The following IGF2R variants were observed in gnomAD, a reference collection of about 807,000 sequenced individuals.
IGF2R encodes the protein insulin like growth factor 2 receptor.
IGF2R carries 91 observed loss-of-function variants against 270.6 expected under a neutral mutation model. The observed-to-expected ratio is 0.34, with a 90% confidence interval of 0.28 to 0.40. The LOEUF (loss-of-function observed/expected upper bound fraction) is 0.40, where lower values mean the gene tolerates loss of function less well. Among genes scored for constraint, IGF2R ranks in the 10% least tolerant of loss-of-function variants. IGF2R has a pLI of 1.00. For synonymous variants in IGF2R, 1,316 were observed against 1,258.9 expected (o/e 1.05, Z -0.96); for missense variants, 2,805 against 3,188.3 (o/e 0.88, Z 2.90).
chr6:160,018,560 A>G (rs1263223856), intron 4 of IGF2R, among the ~76,000 whole-genome samples: 2 of 152,202 alleles, frequency 1.3e-5, no homozygotes, highest in African/African-American at 2.4e-5. Flanking sequence ...GAGATGGACT[A>G]TATGTCATAC....
At chr6:160,001,802 G>C (rs1784133382) in intron 2 of IGF2R, among the ~76,000 whole-genome samples, 1 of 152,070 alleles carries the variant, frequency 6.6e-6, no homozygotes, top group South Asian at 2.1e-4. Context: ...TTTTCATAGG[G>C]CCTGTGAACA....
At chr6:159,986,731 T>C (rs966630004) in intron 1 of IGF2R, among the ~76,000 whole-genome samples, 1 of 147,644 alleles carries the variant, frequency 6.8e-6, no homozygotes, top group Non-Finnish European at 1.5e-5. Flanking sequence ...TGATTGAATA[T>C]ATTGATCTCT....
Position 160,004,080 on chromosome 6 carries a change from ATGAG to A in IGF2R, c.290-4928_290-4925del, listed in dbSNP as rs1784173282. 6.6e-6 allele frequency: 1 copy of A among 152,080 alleles called. No homozygotes were observed. Among genetic ancestry groups the A allele is most frequent in the Non-Finnish European group, 1.5e-5 (1 of 68,016 alleles). 9.4% of individuals were successfully genotyped at this position (152,080 alleles called of 1,614,324 possible). A position where few individuals can be genotyped will look rare whatever the true frequency, so the allele number is the denominator to read the frequency against. ...GAGAAGCTGGAGGTTAAAAAATTGG[ATGAG>A]TATTTTTTTTTTTAATTTGGCAAAA... On this transcript the variant is annotated intron_variant, in intron 2 of 47. Transcript: ENST00000356956. The surrounding 1 kb of genome is among the most constrained non-coding windows in gnomAD (Gnocchi z 5.2).
chr6:160,090,251 T>C lies in IGF2R; in HGVS notation c.6655+148T>C, dbSNP rs1025519664. On this transcript the variant is annotated intron_variant, in intron 44 of 47. Coordinates refer to ENST00000356956, the MANE Select transcript of IGF2R (RefSeq NM_000876.4). ...ATTCTTTACTTTGTTATGAATTTCT[T>C]GACAGTGGATTGAGCGATACGTGTC... The C allele has an allele frequency of 7.4e-6, 4 of 539,326 alleles. No homozygotes were observed. The Admixed American group carries it at 1.3e-4, about 17-fold the overall frequency. The allele number at this position is 539,326 out of a possible 1,614,324, so 33.4% of individuals were successfully genotyped here. A position where few individuals can be genotyped will look rare whatever the true frequency, so the allele number is the denominator to read the frequency against.
intron 1 of IGF2R, among the ~76,000 whole-genome samples, chr6:159,987,536 C>T (rs147036690): frequency 0.011 from 1,642 of 152,252 alleles, 24 homozygotes; most frequent in African/African-American, 0.038. Flanking sequence ...GGACTATAGG[C>T]GTGCACCACC....
At chr6:159,984,119 A>G (rs930778079) in intron 1 of IGF2R, among the ~76,000 whole-genome samples, 2 of 152,230 alleles carry the variant, frequency 1.3e-5, no homozygotes, top group African/African-American at 4.8e-5. Flanking sequence ...CTGTCCTCAG[A>G]TGGGTTCAAC....
intron 44 of IGF2R, chr6:160,094,177 G>A (rs1779294833): frequency 5.2e-6 from 2 of 383,346 alleles, no homozygotes; most frequent in South Asian, 4.1e-5. Context: ...TATAAACAGG[G>A]CGTTACAGAA....
chr6:159,997,293 C>A (rs1339479943), intron 2 of IGF2R, among the ~76,000 whole-genome samples: 1 of 152,136 alleles, frequency 6.6e-6, no homozygotes, highest in African/African-American at 2.4e-5. Context: ...TCCAGCCAGC[C>A]CTGTGTGGCT....
Position 160,108,042 on chromosome 6 carries a change from C to T in IGF2R, c.*2958C>T, listed in dbSNP as rs1302179497. 2 of 152,200 alleles carry T rather than the reference C, an allele frequency of 1.3e-5. No individual in the cohort carries two copies. The highest frequency in any genetic ancestry group is 1.5e-5 in the Non-Finnish European group (1 of 68,046). The allele number at this position is 152,200 out of a possible 1,614,324, so 9.4% of individuals were successfully genotyped here. On this transcript the variant is annotated 3_prime_UTR_variant, in exon 48 of 48. Coordinates refer to ENST00000356956, the MANE Select transcript of IGF2R (RefSeq NM_000876.4). ...CACAGGTCTTACCCCTGTTGGCGAT[C>T]GGGTCACAAGGAGCCAGTGTGTGTG...
rs185170146 is a variant in IGF2R, at chr6:160,111,157, A to G, written c.*6073A>G. ...GATTTTGTAATGATAAGTATCTCAAAACATCATGTTGTACAACATAAGTAT... is the reference window on the plus strand; with the variant it reads ...GATTTTGTAATGATAAGTATCTCAAGACATCATGTTGTACAACATAAGTAT... On this transcript the variant is annotated 3_prime_UTR_variant, in exon 48 of 48. Transcript: ENST00000356956. 1.3e-5 allele frequency: 2 copies of G among 152,348 alleles called. No homozygotes were observed. Among genetic ancestry groups the G allele is most frequent in the East Asian group, 3.9e-4 (2 of 5,192 alleles). The allele number at this position is 152,348 out of a possible 1,614,324, so 9.4% of individuals were successfully genotyped here.
intron 1 of IGF2R, 150 bp from the exon 2 acceptor site, chr6:159,991,034 A>C: frequency 1.5e-6 from 1 of 675,308 alleles, no homozygotes; most frequent in Non-Finnish European, 2.5e-6. Flanking sequence ...TTGCAACTTA[A>C]CATACTTGAC....
intron 27 of IGF2R, 28 bp from the exon 28 acceptor site, chr6:160,064,373 C>T: frequency 6.2e-7 from 1 of 1,614,104 alleles, no homozygotes; most frequent in South Asian, 1.1e-5. Context: ...CCGAACCAAA[C>T]CTTGTTTAAT....
chr6:160,038,255 C>T (rs1490852038), intron 10 of IGF2R, among the ~76,000 whole-genome samples: 2 of 152,164 alleles, frequency 1.3e-5, no homozygotes, highest in Non-Finnish European at 2.9e-5. Context: ...CTAATCCTAA[C>T]ATTGCTGATG....
intron 41 of IGF2R, among the ~76,000 whole-genome samples, chr6:160,087,015 T>A (rs1170123631): frequency 6.6e-6 from 1 of 152,052 alleles, no homozygotes; most frequent in Non-Finnish European, 1.5e-5. Flanking sequence ...ACAAGCAGCC[T>A]CTTGGTGGTG....
At chr6:159,992,682 T>A (rs1783997971) in intron 2 of IGF2R, among the ~76,000 whole-genome samples, 1 of 152,152 alleles carries the variant, frequency 6.6e-6, no homozygotes, top group Non-Finnish European at 1.5e-5. Flanking sequence ...GACACTTAGG[T>A]TTATTCCATA....
intron 44 of IGF2R, chr6:160,093,765 G>C (rs1028892383): frequency 6.9e-5 from 52 of 750,436 alleles, no homozygotes; most frequent in Non-Finnish European, 1.3e-4. Context: ...TTTGCTTTTC[G>C]ACTATATGAT....
chr6:160,016,985 G>A (rs1172709248), intron 4 of IGF2R, among the ~76,000 whole-genome samples: 1 of 152,166 alleles, frequency 6.6e-6, no homozygotes, highest in Non-Finnish European at 1.5e-5. Flanking sequence ...CACCCTGAAG[G>A]ATCATATTAA....
At chr6:160,000,391 T>G (rs1037373173) in intron 2 of IGF2R, among the ~76,000 whole-genome samples, 2 of 152,010 alleles carry the variant, frequency 1.3e-5, no homozygotes, top group African/African-American at 4.8e-5. Flanking sequence ...TAGTGAGAAC[T>G]CTTATCACGA....
At chr6:159,971,680 C>T (rs922916102) in intron 1 of IGF2R, among the ~76,000 whole-genome samples, 1 of 152,216 alleles carries the variant, frequency 6.6e-6, no homozygotes, top group Non-Finnish European at 1.5e-5. Flanking sequence ...CAGGGTCTCA[C>T]CGCGTTGCCC....
Sources: allele counts gnomAD v4.1 joint callset (sites outside exome capture counted in the v4.1 genomes callset), GRCh38; gene constraint gnomAD v4.1.1; non-coding constraint Gnocchi (gnomAD v3.1); transcripts MANE v1.5; gene names NCBI Gene and HGNC (gene_info 2026-07-23, HGNC 2026-07-21).